Variants in XYLT1 observed in about 807,000 individuals in gnomAD.
XYLT1 encodes xylosyltransferase 1.
A neutral mutation model predicts 91.3 loss-of-function variants in XYLT1; 36 were observed. The observed-to-expected ratio is 0.39, with a 90% CI of 0.30 to 0.52. The LOEUF is 0.52. XYLT1 is among the 20% of genes least tolerant of loss of function. The probability of loss-of-function intolerance (pLI) is 0.68; values close to 1 mark genes in which losing one functional copy is unlikely to be tolerated. For synonymous variants in XYLT1, 588 were observed against 532.0 expected, an observed-to-expected ratio of 1.11 and a Z score of -1.45; for missense variants, 1,242 against 1,284.5, an observed-to-expected ratio of 0.97 and a Z score of 0.51.
chr16:17,432,794 G>A (rs1251793222), intron 1 of XYLT1, among the ~76,000 whole-genome samples: 1 of 151,934 alleles, frequency 6.6e-6, no homozygotes, highest in East Asian at 1.9e-4. Context: ...CCAAAGACAC[G>A]CTGGTTGTTC....
rs1455139455 is a variant in XYLT1, at chr16:17,198,314, C to T, written c.1187G>A (p.Ser396Asn). ...WRMATIWGGA[S>N]LLSTYLQSMR... ...GCTCTGCAGGTAGGTGGACAGGAGG[C>T]TGGCTCCTCCCCAGATGGTGGCCAT... The change falls in exon 5 of 12, where the codon AGC becomes AAC. Residue 396 changes from serine to asparagine, a missense_variant. Ser to Asn is a conservative substitution (Grantham distance 46). Around this residue, in one of 3 missense-constraint regions of XYLT1, gnomAD observed 294 missense variants for 376.0 expected, o/e 0.78. Transcript: ENST00000261381. 3 of 1,614,116 alleles carry T rather than the reference C, an allele frequency of 1.9e-6. No homozygotes were observed. Among genetic ancestry groups the T allele is most frequent in the Non-Finnish European group, 2.5e-6 (3 of 1,180,034 alleles).
intron 1 of XYLT1, among the ~76,000 whole-genome samples, chr16:17,373,671 C>T (rs1239918471): frequency 6.6e-6 from 1 of 152,208 alleles, no homozygotes; most frequent in Non-Finnish European, 1.5e-5. Flanking sequence ...GACAACTGCC[C>T]TTAAGGAATG....
intron 1 of XYLT1, among the ~76,000 whole-genome samples, chr16:17,384,481 C>T (rs1304928480): frequency 6.6e-6 from 1 of 151,824 alleles, no homozygotes; most frequent in Non-Finnish European, 1.5e-5. Context: ...TTTCAATTAG[C>T]CGCCAATGTT....
chr16:17,465,781 C>T (rs1371933108), intron 1 of XYLT1, among the ~76,000 whole-genome samples: 4 of 152,106 alleles, frequency 2.6e-5, no homozygotes, highest in Non-Finnish European at 5.9e-5. Context: ...TTCAAACATA[C>T]CAAGAATTTC....
chr16:17,468,347 AAGAAG>A (rs1214984806), intron 1 of XYLT1, among the ~76,000 whole-genome samples: 7 of 152,122 alleles, frequency 4.6e-5, no homozygotes, highest in African/African-American at 1.7e-4. Flanking sequence ...GACAGCCACC[AAGAAG>A]AGAAGAGAAC....
chr16:17,120,947 A>T (rs1276900509), intron 10 of XYLT1, among the ~76,000 whole-genome samples: 1 of 152,192 alleles, frequency 6.6e-6, no homozygotes, highest in African/African-American at 2.4e-5. Context: ...TGTCAACTCT[A>T]TTGTAACCAT....
At chr16:17,181,991 G>A (rs573422815) in intron 5 of XYLT1, among the ~76,000 whole-genome samples, 1 of 152,130 alleles carries the variant, frequency 6.6e-6, no homozygotes, top group Admixed American at 6.6e-5. Context: ...TGCCAGACCT[G>A]AGCCACCATG....
chr16:17,174,869 G>A (rs1161546075), intron 5 of XYLT1, among the ~76,000 whole-genome samples: 6 of 152,122 alleles, frequency 3.9e-5, no homozygotes, highest in Admixed American at 6.5e-5. Context: ...CTCCTGGGTT[G>A]AAGCGATTCT....
intron 2 of XYLT1, among the ~76,000 whole-genome samples, chr16:17,286,472 C>T (rs146107764): frequency 2.6e-5 from 4 of 152,362 alleles, no homozygotes; most frequent in African/African-American, 4.8e-5. Flanking sequence ...CAAGTATCCA[C>T]GGATCTGCAC....
rs1364010914 is a variant in XYLT1, at chr16:17,456,342, T to G, written c.363+14092A>C. ...GCAAACAGTACAAACCTTTTTTTTT[T>G]TTTTTTTTTTTTGGAGACAGGATCT... is the stretch of plus-strand genomic sequence containing the variant. On this transcript the variant is annotated intron_variant, in intron 1 of 11. Transcript: ENST00000261381. Among the ~76,000 whole-genome samples, 3 of 145,760 alleles carry G rather than the reference T, an allele frequency of 2.1e-5. No individual in the cohort carries two copies. The Admixed American group carries it at 2.1e-4, about 10-fold the overall frequency.
At chr16:17,128,780 A>G (rs1255237431) in intron 9 of XYLT1, among the ~76,000 whole-genome samples, 1 of 152,232 alleles carries the variant, frequency 6.6e-6, no homozygotes, top group Non-Finnish European at 1.5e-5. Flanking sequence ...CAGATGGCAA[A>G]AAAGGAGTAC....
At chr16:17,148,823 G>A in intron 6 of XYLT1, among the ~76,000 whole-genome samples, 1 of 152,168 alleles carries the variant, frequency 6.6e-6, no homozygotes, top group East Asian at 1.9e-4. Flanking sequence ...AAAAGACAAT[G>A]CCCAGAAATG....
intron 5 of XYLT1, among the ~76,000 whole-genome samples, chr16:17,182,907 G>A (rs1033587377): frequency 6.6e-6 from 1 of 152,190 alleles, no homozygotes; most frequent in East Asian, 1.9e-4. Context: ...CTAGGTCTAT[G>A]CTTAGAGCAC....
At chr16:17,129,094 A>AAC (rs1393892809) in intron 9 of XYLT1, among the ~76,000 whole-genome samples, 2 of 147,470 alleles carry the variant, frequency 1.4e-5, no homozygotes, top group Non-Finnish European at 3.0e-5. Flanking sequence ...AAAAAAAAAA[A>AAC]AAACTTGAAC....
intron 2 of XYLT1, among the ~76,000 whole-genome samples, chr16:17,284,728 G>A (rs1409669033): frequency 6.6e-6 from 1 of 152,134 alleles, no homozygotes; most frequent in Non-Finnish European, 1.5e-5. Flanking sequence ...GCTGCAGTGA[G>A]CTACGACTAC....
chr16:17,166,224 C>T (rs143217377), intron 5 of XYLT1, among the ~76,000 whole-genome samples: 55 of 152,340 alleles, frequency 3.6e-4, no homozygotes, highest in African/African-American at 1.3e-3. Context: ...ATGCCTGGAG[C>T]AGCTGCTGCA....
At chr16:17,170,928 T>TA (rs902503699) in intron 5 of XYLT1, among the ~76,000 whole-genome samples, 3 of 152,190 alleles carry the variant, frequency 2.0e-5, no homozygotes, top group Non-Finnish European at 2.9e-5. Context: ...AGGTCATTTT[T>TA]AGCTAGTCGA....
chr16:17,172,047 G>A (rs1196123422), intron 5 of XYLT1, among the ~76,000 whole-genome samples: 1 of 152,186 alleles, frequency 6.6e-6, no homozygotes, highest in Non-Finnish European at 1.5e-5. Context: ...AATATGACAT[G>A]CCTTGTGGAG....
At chr16:17,257,137 T>G (rs545092755) in intron 3 of XYLT1, among the ~76,000 whole-genome samples, 2 of 152,208 alleles carry the variant, frequency 1.3e-5, no homozygotes, top group Non-Finnish European at 2.9e-5. Context: ...CTGTGAACCT[T>G]TGGCCACTTT....
Sources: allele counts gnomAD v4.1 joint callset (sites outside exome capture counted in the v4.1 genomes callset), GRCh38; gene constraint gnomAD v4.1.1; regional missense constraint gnomAD v4.1.1; transcripts MANE v1.5; gene names NCBI Gene and HGNC (gene_info 2026-07-23, HGNC 2026-07-21).